SLC4A5: variants seen among roughly 807,000 people sequenced by gnomAD.
SLC4A5 encodes electrogenic sodium bicarbonate cotransporter 4.
In SLC4A5, 96 loss-of-function variants were observed where a neutral mutation model predicts 120.4. That is an observed-to-expected ratio of 0.80 (90% CI 0.68 to 0.94). The LOEUF is 0.94. Among genes scored for constraint, SLC4A5 ranks in the 40% least tolerant of loss-of-function variants. SLC4A5 has a pLI of 0.00. For synonymous variants in SLC4A5, 550 were observed against 571.1 expected (o/e 0.96, Z 0.53); for missense variants, 1,259 against 1,459.5 (o/e 0.86, Z 2.24).
chr2:74,288,559 A>C (rs973743951), intron 7 of SLC4A5, among the ~76,000 whole-genome samples: 3 of 152,122 alleles, frequency 2.0e-5, no homozygotes, highest in Non-Finnish European at 4.4e-5. Flanking sequence ...TTCTCTCTCA[A>C]TATCTTTCCC....
intron 8 of SLC4A5, among the ~76,000 whole-genome samples, chr2:74,284,379 A>C (rs1671913832): frequency 1.3e-5 from 1 of 77,220 alleles, no homozygotes; most frequent in Non-Finnish European, 2.1e-5. Flanking sequence ...ACGGGGTTTC[A>C]CCTTGTTAGC....
intron 16 of SLC4A5, among the ~76,000 whole-genome samples, chr2:74,251,850 G>A (rs1162424060): frequency 6.6e-6 from 1 of 152,200 alleles, no homozygotes; most frequent in Non-Finnish European, 1.5e-5. Flanking sequence ...GGAACTCCTG[G>A]CCTCCAGAAC....
chr2:74,341,304 C>CAAAA (rs757430815), intron 2 of SLC4A5, among the ~76,000 whole-genome samples: 49 of 74,318 alleles, frequency 6.6e-4, no homozygotes, highest in African/African-American at 1.9e-3. Context: ...GACTCCATCT[C>CAAAA]AAAAAAAAAA....
intron 7 of SLC4A5, among the ~76,000 whole-genome samples, chr2:74,296,073 C>G (rs919760094): frequency 9.9e-5 from 15 of 152,178 alleles, no homozygotes; most frequent in Admixed American, 9.8e-4. Flanking sequence ...CCCATTTCCC[C>G]TTAAGGTCTT....
intron 17 of SLC4A5, among the ~76,000 whole-genome samples, chr2:74,249,548 ATGTGG>A (rs1386773993): frequency 6.6e-6 from 1 of 152,228 alleles, no homozygotes; most frequent in African/African-American, 2.4e-5. Context: ...AGGTAGGGCC[ATGTGG>A]TGAGGGCCAC....
At chr2:74,223,473 A>G (rs1185488371) in intron 28 of SLC4A5, among the ~76,000 whole-genome samples, 1 of 152,156 alleles carries the variant, frequency 6.6e-6, no homozygotes, top group Non-Finnish European at 1.5e-5. Context: ...ACAGACCGGA[A>G]CTCTTCCAGG....
At chr2:74,240,018 T>C (rs1030755707) in intron 20 of SLC4A5, among the ~76,000 whole-genome samples, 3 of 148,288 alleles carry the variant, frequency 2.0e-5, no homozygotes, top group Non-Finnish European at 4.5e-5. Flanking sequence ...TATATAAATT[T>C]ATTTATATAT....
chr2:74,227,040 G>A (rs1694864568), exon 27 of SLC4A5: 1 of 1,614,208 alleles, frequency 6.2e-7, no homozygotes, highest in East Asian at 2.2e-5. Context: ...AGGGTGAAGA[G>A]GTGGATCCGG....
chr2:74,266,605 G>C (rs964945777), intron 8 of SLC4A5, among the ~76,000 whole-genome samples: 2 of 152,066 alleles, frequency 1.3e-5, no homozygotes, highest in Non-Finnish European at 2.9e-5. Context: ...TTGTTTAAAA[G>C]ACAACCAACC....
intron 10 of SLC4A5, among the ~76,000 whole-genome samples, 193 bp from the exon 11 acceptor site, chr2:74,262,425 C>T (rs184814485): frequency 4.5e-4 from 66 of 148,230 alleles, no homozygotes; most frequent in Non-Finnish European, 7.5e-4. Context: ...ACAGGCTGGG[C>T]ACGATGGCTC....
intron 6 of SLC4A5, among the ~76,000 whole-genome samples, chr2:74,309,210 C>A (rs1672735853): frequency 6.6e-6 from 1 of 151,682 alleles, no homozygotes; most frequent in African/African-American, 2.4e-5. Flanking sequence ...TGAGCCATTA[C>A]ACCTGGCCTG....
At chr2:74,228,020 T>A in intron 25 of SLC4A5, 142 bp from the exon 26 acceptor site, 1 of 620,432 alleles carries the variant, frequency 1.6e-6, no homozygotes, top group African/African-American at 1.9e-5. Flanking sequence ...AGAACTGGGA[T>A]GTGGGCAGGG....
chr2:74,239,188 G>A (rs1670357710), intron 21 of SLC4A5, 147 bp downstream of exon 21: 2 of 680,126 alleles, frequency 2.9e-6, no homozygotes. Flanking sequence ...GCCAACAAGG[G>A]AACACAGTTC....
chr2:74,216,318 T>A (rs1195343892), exon 31 of SLC4A5: 1 of 152,220 alleles, frequency 6.6e-6, no homozygotes, highest in Non-Finnish European at 1.5e-5. Flanking sequence ...TGGAGAAGTA[T>A]TATGTCAACC....
chr2:74,337,545 G>C (rs1293089094), intron 3 of SLC4A5, among the ~76,000 whole-genome samples: 4 of 152,144 alleles, frequency 2.6e-5, no homozygotes, highest in Non-Finnish European at 5.9e-5. Context: ...TTACACACTT[G>C]AGTTTATGGG....
Position 74,297,358 on chromosome 2 carries a change from T to C in SLC4A5, c.271+7131A>G, listed in dbSNP as rs549381950. Among the ~76,000 whole-genome samples, 466 of 152,334 alleles carry C rather than the reference T, an allele frequency of 3.1e-3. 3 individuals are homozygous for C. The highest frequency in any genetic ancestry group is 0.01 in the African/African-American group (434 of 41,570). ...GGCATGAACAACCATGCAGTTTGCC[T>C]AGGACCGATCTGGTTTTAGCACTGA... On this transcript the variant is annotated intron_variant, in intron 7 of 30. Transcript: ENST00000394019.
chr2:74,256,120 C>T (rs548045857), intron 12 of SLC4A5, among the ~76,000 whole-genome samples, 188 bp from the exon 13 acceptor site: 1 of 152,346 alleles, frequency 6.6e-6, no homozygotes, highest in South Asian at 2.1e-4. Flanking sequence ...TAACCCCAGG[C>T]ACCATTAAGC....
intron 8 of SLC4A5, among the ~76,000 whole-genome samples, chr2:74,270,855 G>A (rs1339121768): frequency 6.6e-6 from 1 of 152,168 alleles, no homozygotes; most frequent in African/African-American, 2.4e-5. Context: ...CCCAACGCAG[G>A]CAAACGTAGC....
intron 6 of SLC4A5, among the ~76,000 whole-genome samples, chr2:74,310,023 T>A (rs1385032298): frequency 6.6e-6 from 1 of 152,202 alleles, no homozygotes; most frequent in South Asian, 2.1e-4. Context: ...GTTTTTCTCA[T>A]GTAGATCCTG....
Sources: allele counts gnomAD v4.1 joint callset (sites outside exome capture counted in the v4.1 genomes callset), GRCh38; gene constraint gnomAD v4.1.1; transcripts MANE v1.5; gene names NCBI Gene and HGNC (gene_info 2026-07-23, HGNC 2026-07-21).